C12orf76: variants seen among roughly 807,000 people sequenced by gnomAD.
C12orf76 encodes the protein chromosome 12 open reading frame 76.
In C12orf76, 6 loss-of-function variants were observed where a neutral mutation model predicts 6.8. The ratio of observed to expected loss-of-function variants is 0.88; its 90% CI spans 0.48 to 1.73. The LOEUF is 1.73. C12orf76 is among the 40% of genes most tolerant of loss of function. The probability of loss-of-function intolerance (pLI) is 0.01; values close to 1 mark genes in which losing one functional copy is unlikely to be tolerated. For synonymous variants in C12orf76, 56 were observed against 43.7 expected (o/e 1.28, Z -1.11); for missense variants, 99 against 98.2 (o/e 1.01, Z -0.03).
At position 110,066,745 on chromosome 12, in the gene C12orf76, C is replaced by A. The variant is rs148265993; in HGVS notation, n.207-712G>T. Among the ~76,000 whole-genome samples, 697 of 152,254 alleles carry A rather than the reference C, an allele frequency of 4.6e-3. 3 individuals are homozygous for A. Among genetic ancestry groups the A allele is most frequent in the Non-Finnish European group, 7.1e-3 (480 of 68,006 alleles). The stretch of plus-strand genomic sequence containing the variant: ...GGCCACGCTTGAGTTGGATTTGCTC[C>A]TCCTGGTGTCTGGTGCCTCCCCGAC... On this transcript the variant is annotated intron_variant and non_coding_transcript_variant, in intron 1 of 4. Coordinates refer to the C12orf76 transcript ENST00000309050.
chr12:110,066,390 A>T, intron 1 of C12orf76, among the ~76,000 whole-genome samples: 1 of 145,412 alleles, frequency 6.9e-6, no homozygotes, highest in Non-Finnish European at 1.5e-5. Flanking sequence ...AAAAAAAAAA[A>T]AAAAAAAAAA....
At chr12:110,056,506 T>G (rs1439632100) in intron 4 of C12orf76, among the ~76,000 whole-genome samples, 1 of 151,628 alleles carries the variant, frequency 6.6e-6, no homozygotes, top group Non-Finnish European at 1.5e-5. Flanking sequence ...AGCTACTCAT[T>G]AGGTGGAGGT....
At chr12:110,073,492 C>T in exon 1 of C12orf76, 3 of 521,720 alleles carry the variant, frequency 5.8e-6, no homozygotes, top group South Asian at 2.8e-5. Flanking sequence ...ATCCGGGCGA[C>T]TTTGTTTGTC....
chr12:110,048,564 C>T (rs1018664319), upstream of C12orf76: 7 of 1,343,288 alleles, frequency 5.2e-6, no homozygotes, highest in Non-Finnish European at 6.7e-6. Context: ...CCTCCCAGGT[C>T]TCTCTGCGTC....
At chr12:110,053,920 C>T (rs988696232), upstream of C12orf76, among the ~76,000 whole-genome samples, 6 of 151,770 alleles carry the variant, frequency 4.0e-5, no homozygotes, top group Admixed American at 1.3e-4. Context: ...CCTGTCTTGA[C>T]GAAAAATACA....
Position 110,042,404 on chromosome 12 carries a change from A to C in C12orf76, c.189T>G (p.Phe63Leu). ...GACGCCGAATGGGCTTGTAGACACA[A>C]AATGCCATAAGGATGACAGTCACCA... is the stretch of plus-strand genomic sequence containing the variant. ...ILLVTVILMA[F>L]CVYKPIRRR Residue 63 changes from phenylalanine (F) to leucine (L), a missense_variant, in exon 2 of 2, where the codon TTT (phenylalanine) becomes TTG (leucine). Coordinates refer to ENST00000615315, the MANE Select transcript of C12orf76 (RefSeq NM_001389625.1). 1 of 1,614,206 alleles carries C rather than the reference A, an allele frequency of 6.2e-7. No homozygotes were observed. Among genetic ancestry groups the C allele is most frequent in the Non-Finnish European group, 8.5e-7 (1 of 1,180,012 alleles).
chr12:110,059,725 G>C (rs898564283), intron 2 of C12orf76, among the ~76,000 whole-genome samples: 4 of 152,200 alleles, frequency 2.6e-5, no homozygotes, highest in African/African-American at 9.7e-5. Context: ...GTGTGAACTT[G>C]GTTGAGACAG....
chr12:110,050,945 A>G (rs953277286), upstream of C12orf76: 6 of 706,984 alleles, frequency 8.5e-6, no homozygotes, highest in South Asian at 1.5e-5. Context: ...ACCTGACCCA[A>G]TGGCTACCTT....
At chr12:110,050,736 C>T (rs1269018059), upstream of C12orf76, 1 of 491,530 alleles carries the variant, frequency 2.0e-6, no homozygotes, top group Admixed American at 3.7e-5. Context: ...TAACCAGCAG[C>T]CCTCGGGGGC....
chr12:110,057,701 C>T (rs1892693768), intron 3 of C12orf76, among the ~76,000 whole-genome samples: 1 of 152,106 alleles, frequency 6.6e-6, no homozygotes, highest in Non-Finnish European at 1.5e-5. Flanking sequence ...TTCCTTTCCA[C>T]TTTTGGGGGT....
At chr12:110,058,670 CA>C (rs1225747805) in intron 3 of C12orf76, among the ~76,000 whole-genome samples, 1 of 150,914 alleles carries the variant, frequency 6.6e-6, no homozygotes, top group Non-Finnish European at 1.5e-5. Flanking sequence ...ACTCTCTCTC[CA>C]AAAAAAAGAA....
chr12:110,052,073 T>G (rs1892586238), upstream of C12orf76, among the ~76,000 whole-genome samples: 1 of 151,658 alleles, frequency 6.6e-6, no homozygotes, highest in Admixed American at 6.6e-5. Flanking sequence ...TTTGTATTTT[T>G]TTTTAGTAGA....
chr12:110,065,869 G>A, exon 2 of C12orf76: 1 of 1,614,066 alleles, frequency 6.2e-7, no homozygotes, highest in Non-Finnish European at 8.5e-7. Context: ...CCAGGTTCTG[G>A]AACATGCTGT....
chr12:110,054,222 A>C (rs1346034987), upstream of C12orf76, among the ~76,000 whole-genome samples: 1 of 152,256 alleles, frequency 6.6e-6, no homozygotes, highest in African/African-American at 2.4e-5. The surrounding 1 kb of genome is among the most constrained non-coding windows in gnomAD (Gnocchi z 4.4). Flanking sequence ...GTTTAGAGAA[A>C]TCCAAAGCCA....
chr12:110,056,118 A>T (rs1396514262), intron 4 of C12orf76, among the ~76,000 whole-genome samples: 1 of 151,866 alleles, frequency 6.6e-6, no homozygotes, highest in East Asian at 1.9e-4. Flanking sequence ...GAAAAAAAAG[A>T]GGGAATGAAA....
At chr12:110,057,294 C>G in exon 4 of C12orf76, 4 of 1,607,964 alleles carry the variant, frequency 2.5e-6, no homozygotes, top group Non-Finnish European at 3.4e-6. Context: ...CCCCTTACAG[C>G]TCCTAAGGTT....
chr12:110,058,088 A>AAAG (rs1566076885), intron 3 of C12orf76, among the ~76,000 whole-genome samples: 26 of 150,294 alleles, frequency 1.7e-4, no homozygotes, highest in Non-Finnish European at 3.0e-4. Context: ...AAAAAAAAAA[A>AAAG]AAGAAGATCC....
At chr12:110,053,271 G>A (rs1252684922), upstream of C12orf76, among the ~76,000 whole-genome samples, 1 of 151,988 alleles carries the variant, frequency 6.6e-6, no homozygotes, top group African/African-American at 2.4e-5. Flanking sequence ...GGCCGAGGTG[G>A]GTGGATCACT....
chr12:110,051,279 G>A (rs768908889), upstream of C12orf76: 18 of 718,212 alleles, frequency 2.5e-5, no homozygotes, highest in Middle Eastern at 2.3e-4. Flanking sequence ...ACTTGCTTCC[G>A]TGTGACTCGT....
Sources: allele counts gnomAD v4.1 joint callset (sites outside exome capture counted in the v4.1 genomes callset), GRCh38; gene constraint gnomAD v4.1.1; non-coding constraint Gnocchi (gnomAD v3.1); transcripts MANE v1.5; gene names NCBI Gene and HGNC (gene_info 2026-07-23, HGNC 2026-07-21).